Variants in VPS13B observed in about 807,000 individuals in gnomAD.
VPS13B encodes intermembrane lipid transfer protein VPS13B.
Under a neutral mutation model 426.4 loss-of-function variants are expected in VPS13B, and 285 were observed. The observed-to-expected ratio is 0.67, with a 90% CI of 0.61 to 0.74. The LOEUF (loss-of-function observed/expected upper bound fraction) is 0.74, where lower values mean the gene tolerates loss of function less well. Among genes scored for constraint, VPS13B ranks in the 30% least tolerant of loss-of-function variants. VPS13B has a pLI of 0.00. For missense variants in VPS13B, 4,537 were observed against 4,782.6 expected (o/e 0.95, Z 1.51); for synonymous variants, 1,676 against 1,676.4 (o/e 1.00, Z 0.01).
chr8:99,142,149 T>C (rs1810463558), intron 12 of VPS13B, among the ~76,000 whole-genome samples: 1 of 152,184 alleles, frequency 6.6e-6, no homozygotes, highest in Non-Finnish European at 1.5e-5. Context: ...CATGAAATAA[T>C]GGAAATATAT....
chr8:99,390,100 A>ATT (rs796834281), intron 20 of VPS13B, among the ~76,000 whole-genome samples: 7 of 144,144 alleles, frequency 4.9e-5, no homozygotes, highest in Non-Finnish European at 9.2e-5. Context: ...CTCATTTTAA[A>ATT]TTTTTTTTTT....
chr8:99,556,030 A>G (rs1013318073), intron 30 of VPS13B, among the ~76,000 whole-genome samples: 3 of 152,150 alleles, frequency 2.0e-5, no homozygotes, highest in Non-Finnish European at 2.9e-5. Context: ...ACAAACAAAC[A>G]AAAAACCCTG....
chr8:99,590,210 C>T (rs982044547), intron 33 of VPS13B, among the ~76,000 whole-genome samples: 3 of 152,036 alleles, frequency 2.0e-5, no homozygotes, highest in African/African-American at 7.2e-5. Flanking sequence ...TTTATTGCAT[C>T]TATTTGATTC....
intron 25 of VPS13B, among the ~76,000 whole-genome samples, chr8:99,491,328 A>G (rs1409326635): frequency 6.6e-6 from 1 of 152,074 alleles, no homozygotes; most frequent in Non-Finnish European, 1.5e-5. Context: ...TGAATCTGAC[A>G]ATTACGTGTC....
At chr8:99,270,892 C>T (rs1818556948) in intron 17 of VPS13B, among the ~76,000 whole-genome samples, 1 of 152,094 alleles carries the variant, frequency 6.6e-6, no homozygotes. Flanking sequence ...CTCCCTGCAA[C>T]CACAGTAGAT....
chr8:99,855,415 T>C (rs1563511029), intron 56 of VPS13B, among the ~76,000 whole-genome samples: 1 of 152,074 alleles, frequency 6.6e-6, no homozygotes, highest in Admixed American at 6.6e-5. Context: ...AACCATGTGG[T>C]CTCAGGGTAC....
chr8:99,457,622 T>A (rs893576041), intron 23 of VPS13B, among the ~76,000 whole-genome samples: 5 of 152,138 alleles, frequency 3.3e-5, no homozygotes, highest in African/African-American at 7.2e-5. Flanking sequence ...TTTCTTTTTT[T>A]AATAGCTTTG....
chr8:99,646,147 G>C (rs958624133), intron 34 of VPS13B, among the ~76,000 whole-genome samples: 4 of 152,156 alleles, frequency 2.6e-5, no homozygotes, highest in Non-Finnish European at 5.9e-5. Flanking sequence ...AAAGTTAAAG[G>C]CATCATAAGT....
intron 35 of VPS13B, among the ~76,000 whole-genome samples, chr8:99,687,340 C>T (rs535932637): frequency 6.6e-6 from 1 of 152,058 alleles, no homozygotes; most frequent in Non-Finnish European, 1.5e-5. Context: ...GCTGCCCCAT[C>T]TGGTGTCTGA....
chr8:99,290,697 A>G (rs1201733069), intron 19 of VPS13B, among the ~76,000 whole-genome samples: 1 of 152,024 alleles, frequency 6.6e-6, no homozygotes, highest in Non-Finnish European at 1.5e-5. Flanking sequence ...AAGGAATGCC[A>G]CAAAACAAGG....
intron 12 of VPS13B, among the ~76,000 whole-genome samples, chr8:99,140,007 C>T (rs911405333): frequency 6.6e-6 from 1 of 151,756 alleles, no homozygotes; most frequent in Non-Finnish European, 1.5e-5. Flanking sequence ...GTAGTGAATC[C>T]TGATAGTTTG....
intron 5 of VPS13B, among the ~76,000 whole-genome samples, chr8:99,106,015 T>G (rs1024307108): frequency 6.6e-6 from 1 of 152,202 alleles, no homozygotes; most frequent in Non-Finnish European, 1.5e-5. Context: ...TTTATATTAA[T>G]TATCTTGTTT....
At chr8:99,088,890 G>A (rs1845988546) in intron 3 of VPS13B, among the ~76,000 whole-genome samples, 1 of 152,064 alleles carries the variant, frequency 6.6e-6, no homozygotes, top group Non-Finnish European at 1.5e-5. Flanking sequence ...ACCTTGCCTT[G>A]TTCAACTTTT....
intron 35 of VPS13B, among the ~76,000 whole-genome samples, chr8:99,663,201 C>CT (rs1402361029): frequency 6.6e-6 from 1 of 152,134 alleles, no homozygotes; most frequent in Non-Finnish European, 1.5e-5. Flanking sequence ...TGCTAGTGTA[C>CT]TTATGATCCA....
chr8:99,117,965 C>T (rs529049559), intron 7 of VPS13B, among the ~76,000 whole-genome samples: 27 of 152,038 alleles, frequency 1.8e-4, no homozygotes, highest in African/African-American at 6.5e-4. Flanking sequence ...ATCTTACTAC[C>T]TTAAAATAAA....
Position 99,876,099 on chromosome 8 carries a change from A to G in VPS13B, c.*433A>G, listed in dbSNP as rs1009161628. ...CTACTGTAATTAATTTGGGTCTATT[A>G]TTAACTCTCTGTTCCATCATAGAAT... On this transcript the variant is annotated 3_prime_UTR_variant, in exon 62 of 62. Transcript: ENST00000357162. The G allele has an allele frequency of 1.2e-4, 26 of 217,126 alleles. No individual in the cohort carries two copies. Among genetic ancestry groups the G allele is most frequent in the African/African-American group, 5.4e-4 (23 of 42,546 alleles). 13.4% of individuals were successfully genotyped at this position (217,126 alleles called of 1,614,324 possible).
chr8:99,445,044 C>G (rs1000912622), intron 23 of VPS13B, among the ~76,000 whole-genome samples: 1 of 151,998 alleles, frequency 6.6e-6, no homozygotes, highest in Non-Finnish European at 1.5e-5. Context: ...GTCTCGAACT[C>G]CTGACCTTGT....
chr8:99,698,333 C>T (rs768951700), intron 35 of VPS13B, among the ~76,000 whole-genome samples: 4 of 152,128 alleles, frequency 2.6e-5, no homozygotes, highest in Admixed American at 6.5e-5. Flanking sequence ...CCTCCCATCT[C>T]GGCTGCCCTG....
chr8:99,082,284 C>G (rs1193883433), intron 3 of VPS13B, among the ~76,000 whole-genome samples: 1 of 152,108 alleles, frequency 6.6e-6, no homozygotes, highest in Non-Finnish European at 1.5e-5. Context: ...CTGTTCATAT[C>G]CTTTGCCCAC....
Sources: allele counts gnomAD v4.1 joint callset (sites outside exome capture counted in the v4.1 genomes callset), GRCh38; gene constraint gnomAD v4.1.1; transcripts MANE v1.5; gene names NCBI Gene and HGNC (gene_info 2026-07-23, HGNC 2026-07-21).